FAM228B: variants seen among roughly 807,000 people sequenced by gnomAD.
FAM228B encodes protein FAM228B.
Under a neutral mutation model 42.6 loss-of-function variants are expected in FAM228B, and 38 were observed. The ratio of observed to expected loss-of-function variants is 0.89; its 90% CI spans 0.69 to 1.17. The LOEUF (loss-of-function observed/expected upper bound fraction) is 1.17, where lower values mean the gene tolerates loss of function less well. FAM228B is among the 50% of genes most tolerant of loss of function. The probability of loss-of-function intolerance (pLI) is 0.00; values close to 1 mark genes in which losing one functional copy is unlikely to be tolerated. For synonymous variants in FAM228B, 109 were observed against 122.3 expected, an observed-to-expected ratio of 0.89 and a Z score of 0.72; for missense variants, 344 against 367.3, an observed-to-expected ratio of 0.94 and a Z score of 0.52.
upstream of FAM228B, chr2:24,121,211 T>C (rs1307091031): frequency 3.7e-6 from 6 of 1,614,064 alleles, no homozygotes; most frequent in East Asian, 2.2e-5. Flanking sequence ...ATCTGTAATC[T>C]TTTCCCTTGA....
chr2:24,153,649 C>T (rs1667070258), intron 7 of FAM228B, among the ~76,000 whole-genome samples: 1 of 152,208 alleles, frequency 6.6e-6, no homozygotes, highest in South Asian at 2.1e-4. Context: ...CTGCAAGCTG[C>T]ACTGCCTGGG....
intron 2 of FAM228B, chr2:24,082,958 C>T (rs777640962): frequency 1.2e-6 from 2 of 1,614,116 alleles, no homozygotes; most frequent in Admixed American, 3.3e-5. Context: ...GGGTCAATCC[C>T]TCTGGGATAG....
chr2:24,156,618 G>A (rs1667153613), intron 7 of FAM228B, among the ~76,000 whole-genome samples: 1 of 152,058 alleles, frequency 6.6e-6, no homozygotes, highest in South Asian at 2.1e-4. Context: ...TGGGCAACAA[G>A]AGCAAAACTC....
intron 3 of FAM228B, among the ~76,000 whole-genome samples, chr2:24,113,665 T>A (rs1433590860): frequency 1.3e-5 from 2 of 151,796 alleles, no homozygotes; most frequent in Non-Finnish European, 2.9e-5. Context: ...TCACCTGAGG[T>A]CAGGAGTTCG....
At chr2:24,165,536 C>A in intron 9 of FAM228B, 1 of 460,520 alleles carries the variant, frequency 2.2e-6, no homozygotes, top group Non-Finnish European at 4.5e-6. Flanking sequence ...GTTGTCTCTG[C>A]AGCCCCCAGC....
chr2:24,152,494 C>A (rs149832439), intron 7 of FAM228B, among the ~76,000 whole-genome samples: 2 of 152,320 alleles, frequency 1.3e-5, no homozygotes, highest in Admixed American at 6.5e-5. Context: ...GGGATTTGGG[C>A]CCCAAGCCCA....
chr2:24,094,608 C>T (rs1459857682), intron 2 of FAM228B, among the ~76,000 whole-genome samples: 2 of 152,080 alleles, frequency 1.3e-5, no homozygotes, highest in African/African-American at 2.4e-5. Flanking sequence ...CCTCAGTCTT[C>T]CTAGTAGCTG....
chr2:24,167,888 T>TG, intron 10 of FAM228B: 1 of 519,606 alleles, frequency 1.9e-6, no homozygotes, highest in Non-Finnish European at 3.3e-6. Flanking sequence ...TTGAAGCTAG[T>TG]GGTTTTTCTC....
At chr2:24,121,030 C>G (rs1558378996), upstream of FAM228B, 1 of 1,199,286 alleles carries the variant, frequency 8.3e-7, no homozygotes, top group Non-Finnish European at 1.2e-6. Flanking sequence ...TGGCACTAGA[C>G]TGCTATCTCA....
At chr2:24,142,832 C>G (rs1666788623) in intron 5 of FAM228B, 1 of 152,170 alleles carries the variant, frequency 6.6e-6, no homozygotes, top group Non-Finnish European at 1.5e-5. Flanking sequence ...CTCAAAAGAC[C>G]TTTCTGATGA....
rs1396511450 is a variant in FAM228B at position 24,147,039 on chromosome 2, G to C, written c.639G>C (p.Leu213=). The change falls in exon 7 of 11, where the codon CTG becomes CTC. Residue 213 remains leucine (L), a synonymous_variant. Coordinates refer to ENST00000615575, the MANE Select transcript of FAM228B (RefSeq NM_001145710.2). ...ACTTTATAACTCCAAACGAGTGGCTGAAACTGCCTACAAGATACATAGAAA... is the reference window on the plus strand; with the variant it reads ...ACTTTATAACTCCAAACGAGTGGCTCAAACTGCCTACAAGATACATAGAAA... The part of the protein sequence containing the change: ...SRHFITPNEW[L]KLPTRYIESE... The C allele has an allele frequency of 6.4e-7, 1 of 1,551,326 alleles. No homozygotes were observed. Among genetic ancestry groups the C allele is most frequent in the Non-Finnish European group, 8.7e-7 (1 of 1,146,778 alleles).
intron 5 of FAM228B, among the ~76,000 whole-genome samples, chr2:24,145,574 G>A (rs1666874482): frequency 6.6e-6 from 1 of 152,098 alleles, no homozygotes; most frequent in African/African-American, 2.4e-5. Context: ...AAAAAGCAAG[G>A]CTCTGACACC....
chr2:24,117,109 C>T (rs886745218), intron 3 of FAM228B, among the ~76,000 whole-genome samples: 2 of 150,416 alleles, frequency 1.3e-5, no homozygotes, highest in African/African-American at 2.4e-5. Flanking sequence ...TCTGCCTCTC[C>T]GTTCAAGTGA....
intron 10 of FAM228B, 158 bp downstream of exon 10, chr2:24,167,841 A>AT: frequency 1.2e-6 from 1 of 834,048 alleles, no homozygotes; most frequent in South Asian, 1.9e-5. Context: ...ATGATGATCT[A>AT]TTTCAGTGTA....
intron 7 of FAM228B, among the ~76,000 whole-genome samples, chr2:24,149,207 A>G (rs1666965760): frequency 2.0e-5 from 3 of 152,188 alleles, no homozygotes; most frequent in Admixed American, 6.5e-5. Context: ...TATCTTTTCA[A>G]TAGACTGATT....
intron 2 of FAM228B, among the ~76,000 whole-genome samples, chr2:24,086,939 A>G (rs963380360): frequency 2.0e-5 from 3 of 152,204 alleles, no homozygotes; most frequent in Non-Finnish European, 4.4e-5. Flanking sequence ...TCGACACTAA[A>G]ACTGATTGGA....
intron 4 of FAM228B, among the ~76,000 whole-genome samples, chr2:24,138,568 C>T (rs1314106361): frequency 1.3e-5 from 2 of 151,824 alleles, no homozygotes; most frequent in Non-Finnish European, 2.9e-5. Flanking sequence ...CTCCCTATTT[C>T]AGGTAATCTG....
chr2:24,167,958 AT>A, intron 10 of FAM228B: 1 of 379,674 alleles, frequency 2.6e-6, no homozygotes, highest in South Asian at 3.2e-5. Context: ...TTCTCACCGG[AT>A]TTCTTTTCCA....
At chr2:24,146,711 T>C in intron 5 of FAM228B, 37 bp from the exon 6 acceptor site, 1 of 1,431,208 alleles carries the variant, frequency 7.0e-7, no homozygotes, top group Non-Finnish European at 9.6e-7. Context: ...CTACTCAGAC[T>C]TGCAACTCAG....
Sources: gnomAD v4.1 joint callset for allele counts (sites outside exome capture counted in the v4.1 genomes callset) on GRCh38, gnomAD v4.1.1 for gene constraint, MANE v1.5 for transcripts, NCBI Gene and HGNC (gene_info 2026-07-23, HGNC 2026-07-21) for gene names.